Variants in USP9Y observed in about 807,000 individuals in gnomAD.
USP9Y encodes ubiquitin carboxyl-terminal hydrolase 9Y.
In USP9Y, 41 loss-of-function variants were observed where a neutral mutation model predicts 53.1. The ratio of observed to expected loss-of-function variants is 0.77; its 90% confidence interval spans 0.60 to 1.00. The LOEUF (loss-of-function observed/expected upper bound fraction) is 1.00, where lower values mean the gene tolerates loss of function less well. Ranked by LOEUF, USP9Y falls within the 50% of genes least tolerant of loss-of-function variation. USP9Y has a pLI of 0.00. For synonymous variants in USP9Y, 220 were observed against 173.7 expected (o/e 1.27, Z -2.09); for missense variants, 567 against 535.8 (o/e 1.06, Z -0.58).
chrY:12,833,850 C>A lies in USP9Y; in HGVS notation c.5184C>A (p.Gly1728=). ...TTGCTGATCAGAAGATCTGCCAAGG[C>A]TGCCCACATAGGTAAGTGCTAATTA... ...GSFADQKICQ[G]CPHRYECEES... Residue 1728 remains glycine (G), a synonymous_variant, in exon 34 of 46, where the codon GGC becomes GGA. Transcript: ENST00000338981. 2.5e-6 allele frequency: 1 copy of A among 397,079 alleles called. No individual in the cohort carries two copies. Among genetic ancestry groups the A allele is most frequent in the Non-Finnish European group, 3.5e-6 (1 of 282,889 alleles).
At chrY:12,849,874 A>G (rs2053570433) in intron 42 of USP9Y, among the ~76,000 whole-genome samples, 1 of 23,041 alleles carries the variant, frequency 4.3e-5, no homozygotes, top group African/African-American at 1.7e-4. Context: ...TCCTGCATCA[A>G]TGTTCACCAG....
In USP9Y at chrY:12,797,295, C is replaced by T. The variant is rs1041293160; in HGVS notation, c.3983+4094C>T. 3.9e-4 allele frequency among the ~76,000 whole-genome samples: 13 copies of T among 33,033 alleles called. No homozygotes were observed. The South Asian group carries it at 4.2e-3, about 11-fold the overall frequency. 88.6% of individuals were successfully genotyped at this position (33,033 alleles called of 37,273 possible). A position where few individuals can be genotyped will look rare whatever the true frequency, so the allele number is the denominator to read the frequency against. On this transcript the variant is annotated intron_variant, in intron 27 of 45. Transcript: ENST00000338981. Reference sequence around the variant, plus strand: ...CCTGAGAACATGTGCCCAAGGTGGTCGGGGTGCAGCTTGGTTTTACACATT... The same window carrying T: ...CCTGAGAACATGTGCCCAAGGTGGTTGGGGTGCAGCTTGGTTTTACACATT...
At chrY:12,782,164 G>A in intron 22 of USP9Y, among the ~76,000 whole-genome samples, 2 of 32,664 alleles carry the variant, frequency 6.1e-5, no homozygotes, top group East Asian at 1.6e-3. Flanking sequence ...AGAGTGGCTG[G>A]GATTACAGGT....
Position 12,846,444 on chromosome Y carries a change from G to T in USP9Y, c.6680G>T (p.Gly2227Val). 1 of 395,717 alleles carries T rather than the reference G, an allele frequency of 2.5e-6. No homozygotes were observed. Among genetic ancestry groups the T allele is most frequent in the Non-Finnish European group, 3.5e-6 (1 of 282,613 alleles). ...ATCAAATATCAGTATGCTGAATTAG[G>T]CAAGTTATATTCAGTAGTGTCTCAG... ...PPIKYQYAEL[G>V]KLYSVVSQLI... Residue 2227 changes from glycine to valine, a missense_variant, in exon 40 of 46, where the codon GGC (glycine) becomes GTC (valine). Physicochemically the swap from Gly to Val is moderately radical, Grantham distance 109 (BLOSUM62 -3). Coordinates refer to ENST00000338981, the MANE Select transcript of USP9Y (RefSeq NM_004654.4).
At chrY:12,723,453 C>T (rs2053438056) in intron 5 of USP9Y, among the ~76,000 whole-genome samples, 1 of 23,300 alleles carries the variant, frequency 4.3e-5, no homozygotes, top group Non-Finnish European at 9.4e-5. Flanking sequence ...TGCAGTAGGG[C>T]GATCTTGGCT....
intron 8 of USP9Y, 55 bp downstream of exon 8, chrY:12,735,782 A>G: frequency 3.7e-6 from 1 of 273,476 alleles, no homozygotes; most frequent in Non-Finnish European, 5.7e-6. Flanking sequence ...AAATAATTGC[A>G]GCTCTTATTA....
intron 12 of USP9Y, among the ~76,000 whole-genome samples, chrY:12,742,855 A>G (rs1030354961): frequency 3.0e-5 from 1 of 32,948 alleles, no homozygotes; most frequent in Non-Finnish European, 7.4e-5. Context: ...CATTGTTTCC[A>G]TCAAGATACT....
At position 12,857,602 on chromosome Y, in the gene USP9Y, C is replaced by G; in HGVS notation, c.7471C>G (p.Pro2491Ala). The change falls in exon 45 of 46, where the codon CCC (proline) becomes GCC (alanine). Residue 2491 changes from proline (P) to alanine (A), a missense_variant. Physicochemically the swap from Pro to Ala is conservative, Grantham distance 27. Transcript: ENST00000338981. ...DDQDAPDEHE[P>A]SPSEDAPLYP... ...CCAGGATGCCCCAGATGAGCATGAG[C>G]CCTCTCCATCAGAAGATGCCCCATT... 2.6e-6 allele frequency: 1 copy of G among 385,188 alleles called. No homozygotes were observed. The highest frequency in any genetic ancestry group is 3.6e-6 in the Non-Finnish European group (1 of 276,830).
intron 42 of USP9Y, among the ~76,000 whole-genome samples, chrY:12,848,727 T>C (rs2053569353): frequency 8.9e-4 from 30 of 33,614 alleles, no homozygotes; most frequent in African/African-American, 3.5e-3. Flanking sequence ...CCTTCCCCCA[T>C]TGCTTGTTTT....
At chrY:12,723,272 A>G (rs2053437618) in intron 5 of USP9Y, among the ~76,000 whole-genome samples, 1 of 31,712 alleles carries the variant, frequency 3.2e-5, no homozygotes, top group Non-Finnish European at 7.7e-5. Context: ...TTGGGTTTGA[A>G]TGAAGCATTT....
chrY:12,795,805 C>A, intron 27 of USP9Y, among the ~76,000 whole-genome samples: 4 of 33,077 alleles, frequency 1.2e-4, no homozygotes, highest in Non-Finnish European at 3.0e-4. Context: ...GGATGGTTGC[C>A]ACGGTATTTG....
chrY:12,804,048 T>C lies in USP9Y; in HGVS notation c.3984-6131T>C, dbSNP rs1603201219. ...TACTCCCTGGTGGGCCAGCTCGGGC[T>C]TGGGGCCATGGTCCCATGATGCAGG... is the stretch of plus-strand genomic sequence containing the variant. On this transcript the variant is annotated intron_variant, in intron 27 of 45. Coordinates refer to ENST00000338981, the MANE Select transcript of USP9Y (RefSeq NM_004654.4). Among the ~76,000 whole-genome samples the C allele has an allele frequency of 3.3e-4, 11 of 33,527 alleles. No individual in the cohort carries two copies. The East Asian group carries it at 8.7e-3, about 27-fold the overall frequency. 89.9% of individuals were successfully genotyped at this position (33,527 alleles called of 37,273 possible). A position where few individuals can be genotyped will look rare whatever the true frequency, so the allele number is the denominator to read the frequency against.
chrY:12,806,842 CTTCTCCCTTTCTGTTTTT>C (rs2053524994), intron 27 of USP9Y, among the ~76,000 whole-genome samples: 1 of 33,197 alleles, frequency 3.0e-5, no homozygotes, highest in Admixed American at 2.8e-4. Flanking sequence ...TGACAAATTG[CTTCTCCCTTTCTGTTTTT>C]ACAGTTGTCT....
intron 12 of USP9Y, among the ~76,000 whole-genome samples, chrY:12,756,927 G>A (rs552932323): frequency 6.0e-5 from 2 of 33,309 alleles, no homozygotes; most frequent in East Asian, 7.7e-4. Context: ...TTTTAATTAC[G>A]TAATTTTCAA....
intron 42 of USP9Y, among the ~76,000 whole-genome samples, chrY:12,851,945 C>G (rs2053571538): frequency 3.0e-5 from 1 of 33,300 alleles, no homozygotes; most frequent in Admixed American, 2.8e-4. Context: ...TCTGGCTTCC[C>G]TTAACATTTT....
At chrY:12,713,547 C>T (rs2053426973) in intron 3 of USP9Y, among the ~76,000 whole-genome samples, 1 of 32,209 alleles carries the variant, frequency 3.1e-5, no homozygotes, top group Admixed American at 2.9e-4. Flanking sequence ...TCTATTTCTC[C>T]ACTTTTTAAG....
chrY:12,707,416 C>G, intron 1 of USP9Y, among the ~76,000 whole-genome samples: 2 of 33,794 alleles, frequency 5.9e-5, no homozygotes, highest in East Asian at 1.6e-3. Flanking sequence ...CACGCCTGGC[C>G]CAGCAATTTA....
Position 12,735,700 on chromosome Y carries a change from A to G in USP9Y, c.746A>G (p.Asn249Ser). Residue 249 changes from asparagine to serine, a missense_variant, in exon 8 of 46, where the codon AAT becomes AGT. Asn to Ser is a conservative substitution (Grantham distance 46). Transcript: ENST00000338981. ...HDRFFNGSAL[N>S]IQIIAALIKP... ...CGTTTTTTTAATGGATCAGCATTAA[A>G]TATTCAAATAATTGCAGCTCTTATT... 1 of 386,331 alleles carries G rather than the reference A, an allele frequency of 2.6e-6. No individual in the cohort carries two copies. The highest frequency in any genetic ancestry group is 3.7e-6 in the Non-Finnish European group (1 of 273,312).
intron 3 of USP9Y, among the ~76,000 whole-genome samples, chrY:12,717,289 A>G: frequency 3.3e-4 from 11 of 33,060 alleles, no homozygotes. Context: ...CGTGCTCCTT[A>G]TGAGAAATCT....
Sources: allele counts gnomAD v4.1 joint callset (sites outside exome capture counted in the v4.1 genomes callset), GRCh38; gene constraint gnomAD v4.1.1; transcripts MANE v1.5; gene names NCBI Gene and HGNC (gene_info 2026-07-23, HGNC 2026-07-21).